The following GNB4 variants were observed in gnomAD, a reference collection of about 807,000 sequenced individuals.
The protein encoded by GNB4 is G protein subunit beta 4, also known as guanine nucleotide-binding protein subunit beta-4.
Under a neutral mutation model 45.2 loss-of-function variants are expected in GNB4, and 28 were observed. That is an observed-to-expected ratio of 0.62 (90% CI 0.46 to 0.85). GNB4 has a LOEUF of 0.85. GNB4 is among the 40% of genes least tolerant of loss of function. The pLI is 0.00. For synonymous variants in GNB4, 132 were observed against 143.7 expected (o/e 0.92, Z 0.58); for missense variants, 321 against 425.4 (o/e 0.75, Z 2.16).
the GNB4 span, chr3:179,464,566 T>G: frequency 6.5e-7 from 1 of 1,539,494 alleles, no homozygotes; most frequent in East Asian, 2.2e-5. Context: ...AGCATGATCC[T>G]GGTTGGCGAG....
At chr3:179,521,302 C>T in the GNB4 span, among the ~76,000 whole-genome samples, 1 of 152,120 alleles carries the variant, frequency 6.6e-6, no homozygotes, top group East Asian at 1.9e-4. Context: ...AACTCATGGT[C>T]TTTTAAAAAC....
At chr3:179,424,687 C>T (rs1005244298) in intron 2 of GNB4, among the ~76,000 whole-genome samples, 1 of 152,172 alleles carries the variant, frequency 6.6e-6, no homozygotes, top group African/African-American at 2.4e-5. Flanking sequence ...TCACTGCAGC[C>T]TCGAACTCCT....
Position 179,413,710 on chromosome 3 carries a change from C to T in GNB4, c.497+5G>A. The stretch of plus-strand genomic sequence containing the variant: ...ATAATCAGTGTGCTTCTGGAATAAA[C>T]TTACCAAGTTGTATCTCCTGAACTT... On this transcript the variant is annotated splice_donor_5th_base_variant and intron_variant, in intron 7 of 9. Transcript: ENST00000232564. The T allele has an allele frequency of 3.1e-6, 5 of 1,614,014 alleles. No individual in the cohort carries two copies. The highest frequency in any genetic ancestry group is 2.2e-5 in the East Asian group (1 of 44,886).
intron 1 of GNB4, among the ~76,000 whole-genome samples, chr3:179,426,617 A>AC (rs1203003647): frequency 1.3e-5 from 2 of 151,292 alleles, no homozygotes; most frequent in Non-Finnish European, 2.9e-5. Context: ...ACCCCACCCC[A>AC]CCCCCAAGCC....
rs975645693 is a variant in GNB4 at position 179,419,558 on chromosome 3, T to C, written c.97-53A>G. ...TTTACCTTAATCATAGTTCATGAGA[T>C]AACTTGAACTAGAAACAGTGAGGAG... is the stretch of plus-strand genomic sequence containing the variant. On this transcript the variant is annotated intron_variant, in intron 3 of 9. Coordinates refer to ENST00000232564, the MANE Select transcript of GNB4 (RefSeq NM_021629.4). 6.3e-5 allele frequency: 67 copies of C among 1,068,914 alleles called. No individual in the cohort carries two copies. The African/African-American group carries it at 8.1e-4, about 13-fold the overall frequency. The allele number at this position is 1,068,914 out of a possible 1,614,324, so 66.2% of individuals were successfully genotyped here.
At chr3:179,405,485 A>G (rs1714442230) in intron 8 of GNB4, 79 bp from the exon 9 acceptor site, 1 of 998,946 alleles carries the variant, frequency 1.0e-6, no homozygotes. Context: ...AGACAAATCT[A>G]GATTAATATT....
At chr3:179,484,914 C>T in the GNB4 span, among the ~76,000 whole-genome samples, 2 of 147,432 alleles carry the variant, frequency 1.4e-5, no homozygotes, top group African/African-American at 2.5e-5. Flanking sequence ...GATCAGTTGA[C>T]AAAAATTTTG....
At chr3:179,414,709 T>C (rs762443039) in intron 6 of GNB4, among the ~76,000 whole-genome samples, 176 bp downstream of exon 6, 2 of 150,400 alleles carry the variant, frequency 1.3e-5, no homozygotes, top group Admixed American at 6.7e-5. Context: ...AATAAAATTA[T>C]GATCAACGTT....
At chr3:179,409,402 C>T (rs988094794) in intron 8 of GNB4, among the ~76,000 whole-genome samples, 2 of 151,774 alleles carry the variant, frequency 1.3e-5, no homozygotes, top group African/African-American at 2.4e-5. Context: ...ATCCCAGGTA[C>T]TCGGGAGGCT....
At chr3:179,492,397 C>T in the GNB4 span, among the ~76,000 whole-genome samples, 1 of 152,188 alleles carries the variant, frequency 6.6e-6, no homozygotes, top group Admixed American at 6.5e-5. Context: ...TGCTGCATGC[C>T]AAACCCTAGT....
the GNB4 span, among the ~76,000 whole-genome samples, chr3:179,522,587 G>A: frequency 6.6e-6 from 1 of 152,226 alleles, no homozygotes; most frequent in African/African-American, 2.4e-5. Context: ...AGATAGTGGA[G>A]CGGGGAAGAG....
chr3:179,406,882 TGA>T (rs961757613), intron 8 of GNB4, among the ~76,000 whole-genome samples: 5 of 152,200 alleles, frequency 3.3e-5, no homozygotes, highest in African/African-American at 4.8e-5. Context: ...CCCAAAGTAC[TGA>T]GATTACGGGC....
At chr3:179,440,880 T>TAGATAG (rs1553769655) in intron 1 of GNB4, among the ~76,000 whole-genome samples, 4 of 149,032 alleles carry the variant, frequency 2.7e-5, no homozygotes, top group African/African-American at 4.9e-5. Flanking sequence ...TATAGATAGA[T>TAGATAG]AGAGAGAGAG....
upstream of GNB4, among the ~76,000 whole-genome samples, chr3:179,456,107 CTTTTTTT>C (rs10603569): frequency 6.5e-5 from 8 of 122,624 alleles, no homozygotes; most frequent in Admixed American, 1.7e-4. Context: ...GGGACATAGA[CTTTTTTT>C]TTTTTTTTTT....
the GNB4 span, among the ~76,000 whole-genome samples, chr3:179,492,411 A>C: frequency 6.6e-6 from 1 of 152,092 alleles, no homozygotes; most frequent in Non-Finnish European, 1.5e-5. Flanking sequence ...CCCTAGTGCC[A>C]GTGCCAGACT....
the GNB4 span, among the ~76,000 whole-genome samples, chr3:179,469,027 A>G: frequency 6.6e-6 from 1 of 152,198 alleles, no homozygotes; most frequent in Non-Finnish European, 1.5e-5. Context: ...GGTCTTTTAG[A>G]TAAACCCTTT....
chr3:179,438,103 C>T (rs1715506559), intron 1 of GNB4, among the ~76,000 whole-genome samples: 2 of 151,906 alleles, frequency 1.3e-5, no homozygotes, highest in Admixed American at 1.3e-4. Flanking sequence ...GCAGGATTAC[C>T]CCGAACTTAA....
chr3:179,507,311 TCA>T, the GNB4 span, among the ~76,000 whole-genome samples: 5 of 151,970 alleles, frequency 3.3e-5, no homozygotes, highest in Admixed American at 3.3e-4. Context: ...GATGATATTA[TCA>T]CACAGTTTTA....
At chr3:179,492,537 A>G in the GNB4 span, among the ~76,000 whole-genome samples, 4 of 152,094 alleles carry the variant, frequency 2.6e-5, no homozygotes, top group African/African-American at 9.7e-5. Flanking sequence ...CATACCCTGG[A>G]GCCCAAGAAG....
Sources: allele counts gnomAD v4.1 joint callset (sites outside exome capture counted in the v4.1 genomes callset), GRCh38; gene constraint gnomAD v4.1.1; transcripts MANE v1.5; gene names NCBI Gene and HGNC (gene_info 2026-07-23, HGNC 2026-07-21).